NSFL1C: variants seen among roughly 807,000 people sequenced by gnomAD.
NSFL1C encodes NSFL1 cofactor p47.
In NSFL1C, 14 loss-of-function variants were observed where a neutral mutation model predicts 43.1. The ratio of observed to expected loss-of-function variants is 0.32; its 90% CI spans 0.21 to 0.51. The LOEUF (loss-of-function observed/expected upper bound fraction) is 0.51. Among genes scored for constraint, NSFL1C ranks in the 20% least tolerant of loss-of-function variants. The pLI is 0.98. For missense variants in NSFL1C, 406 were observed against 472.5 expected, an observed-to-expected ratio of 0.86 and a Z score of 1.30; for synonymous variants, 171 against 183.5, an observed-to-expected ratio of 0.93 and a Z score of 0.55.
intron 2 of NSFL1C, 34 bp from the exon 3 acceptor site, chr20:1,458,308 G>C: frequency 6.3e-7 from 1 of 1,575,322 alleles, no homozygotes; most frequent in Non-Finnish European, 8.7e-7. Flanking sequence ...ATGATCTCAG[G>C]GAGCATTAAG....
At chr20:1,458,153 T>G in intron 3 of NSFL1C, 47 bp downstream of exon 3, 1 of 1,454,160 alleles carries the variant, frequency 6.9e-7, no homozygotes, top group Non-Finnish European at 9.7e-7. Context: ...CACATTACCC[T>G]GGACTTCCCT....
In NSFL1C at chr20:1,445,650, ACACAATG is replaced by A; in HGVS notation, c.950+9_950+15del. ...GGACACTCCTAGAATAAGCTAGGCC[ACACAATG>A]CAAGGTACCTGTGGCTGTGGTTAAA... On this transcript the variant is annotated intron_variant, in intron 8 of 8. Coordinates refer to ENST00000216879, the MANE Select transcript of NSFL1C (RefSeq NM_016143.5). 6.2e-7 allele frequency: 1 copy of A among 1,611,700 alleles called. No homozygotes were observed. The highest frequency in any genetic ancestry group is 8.5e-7 in the Non-Finnish European group (1 of 1,179,598).
intron 8 of NSFL1C, among the ~76,000 whole-genome samples, chr20:1,445,307 C>CT (rs2090035269): frequency 6.6e-6 from 1 of 152,208 alleles, no homozygotes; most frequent in South Asian, 2.1e-4. Context: ...ACTGCACCCC[C>CT]TTCTCCTCCA....
intron 7 of NSFL1C, among the ~76,000 whole-genome samples, chr20:1,450,209 T>C (rs927060267): frequency 3.2e-4 from 49 of 152,246 alleles, no homozygotes; most frequent in South Asian, 2.1e-4. Flanking sequence ...TTCAAGACTT[T>C]TGGCTTCTGA....
rs185358664 is a variant in NSFL1C, at chr20:1,443,098, G to A, written c.*651C>T. ...AAGGGCCAGGCAGGCAGGTGGAACA[G>A]AATCTCAACTGGCCAAGACCTGGCA... On this transcript the variant is annotated 3_prime_UTR_variant, in exon 9 of 9. Transcript: ENST00000216879. The A allele has an allele frequency of 1.2e-4, 19 of 152,416 alleles. No individual in the cohort carries two copies. The highest frequency in any genetic ancestry group is 1.2e-3 in the Admixed American group (18 of 15,308). 9.4% of individuals were successfully genotyped at this position (152,416 alleles called of 1,614,324 possible).
At chr20:1,456,490 T>A (rs2090303389) in intron 3 of NSFL1C, 1 of 152,226 alleles carries the variant, frequency 6.6e-6, no homozygotes, top group South Asian at 2.1e-4. Flanking sequence ...CCCCAAAGAC[T>A]GACCATGATG....
chr20:1,443,669 G>T lies in NSFL1C; in HGVS notation c.*80C>A. 6.7e-7 allele frequency: 1 copy of T among 1,490,204 alleles called. No homozygotes were observed. The highest frequency in any genetic ancestry group is 1.4e-5 in the African/African-American group (1 of 72,860). 92.3% of individuals were successfully genotyped at this position (1,490,204 alleles called of 1,614,324 possible). ...CTGGACTGCTGGGTGTGCACAAGGGGGCAGGAGGGGCGATCCCCATGGGGC... is the reference window on the plus strand; with the variant it reads ...CTGGACTGCTGGGTGTGCACAAGGGTGCAGGAGGGGCGATCCCCATGGGGC... On this transcript the variant is annotated 3_prime_UTR_variant, in exon 9 of 9. Transcript: ENST00000216879.
intron 1 of NSFL1C, among the ~76,000 whole-genome samples, chr20:1,465,596 G>A (rs1354644148): frequency 6.6e-6 from 1 of 152,180 alleles, no homozygotes; most frequent in Non-Finnish European, 1.5e-5. Context: ...TTTACGTTTG[G>A]CAGCAGACTC....
At chr20:1,456,703 C>G (rs2090308378) in intron 3 of NSFL1C, 1 of 152,120 alleles carries the variant, frequency 6.6e-6, no homozygotes, top group South Asian at 2.1e-4. Flanking sequence ...AACTGGGAGC[C>G]TGTGATCAAG....
Position 1,458,220 on chromosome 20 carries a change from CTCATCT to C in NSFL1C, c.252_257del (p.Asp85_Glu86del). ...CTCACCTCTGGCCTTCCTCTTCCTC[CTCATCT>C]TCATCTTGGTCATGAATGAGGTCTC... On this transcript the variant is annotated inframe_deletion, in exon 3 of 9. Transcript: ENST00000216879. 1 of 1,613,840 alleles carries C rather than the reference CTCATCT, an allele frequency of 6.2e-7. No individual in the cohort carries two copies.
In NSFL1C at chr20:1,464,360, G is replaced by T; in HGVS notation, c.172C>A (p.Pro58Thr). The part of the protein sequence containing the change: ...EDIVTISQAT[P>T]SSVSRGTAPS... ...GCTGTGCCTCTGGACACTGAACTGG[G>T]GGTTGCCTGCGAAATGGTCACAATG... Residue 58 changes from proline (P) to threonine (T), a missense_variant, in exon 2 of 9, where the codon CCC becomes ACC. By Grantham distance (38) the Pro-to-Thr change is conservative. Coordinates refer to ENST00000216879, the MANE Select transcript of NSFL1C (RefSeq NM_016143.5). 6.2e-7 allele frequency: 1 copy of T among 1,614,256 alleles called. No homozygotes were observed.
rs945642151 is a variant in NSFL1C at position 1,455,803 on chromosome 20, G to A, written c.279-671C>T. Reference sequence around the variant, plus strand: ...GTAATGCACACAGGTAAGGTGGTGTGACACAGCACCAGGAGCTCCCCCAAG... The same window carrying A: ...GTAATGCACACAGGTAAGGTGGTGTAACACAGCACCAGGAGCTCCCCCAAG... On this transcript the variant is annotated intron_variant, in intron 3 of 8. Coordinates refer to ENST00000216879, the MANE Select transcript of NSFL1C (RefSeq NM_016143.5). 7 of 774,612 alleles carry A rather than the reference G, an allele frequency of 9.0e-6. No homozygotes were observed. In the African/African-American group the frequency reaches 1.2e-4, roughly 13 times the overall value. The allele number at this position is 774,612 out of a possible 1,614,324, so 48.0% of individuals were successfully genotyped here. A position where few individuals can be genotyped will look rare whatever the true frequency, so the allele number is the denominator to read the frequency against.
Position 1,452,587 on chromosome 20 carries a change from C to T in NSFL1C, c.691G>A (p.Val231Met), listed in dbSNP as rs779117739. 1 of 1,614,194 alleles carries T rather than the reference C, an allele frequency of 6.2e-7. No homozygotes were observed. The highest frequency in any genetic ancestry group is 1.1e-5 in the South Asian group (1 of 91,078). ...ELRRLAHGGQVNLDMEDHRDE... is the reference protein window; with the variant it reads ...ELRRLAHGGQMNLDMEDHRDE... The stretch of plus-strand genomic sequence containing the variant: ...CGATGGTCCTCCATATCCAAGTTCA[C>T]CTGTCCACCGTGAGCTAGCCTCCGA... The change falls in exon 7 of 9, where the codon GTG becomes ATG. Residue 231 changes from valine to methionine, a missense_variant. By Grantham distance (21) the Val-to-Met change is conservative (BLOSUM62 1). This residue lies in a region of NSFL1C where 196 missense variants were observed against 228.0 expected (regional missense o/e 0.86). Coordinates refer to ENST00000216879, the MANE Select transcript of NSFL1C (RefSeq NM_016143.5).
At chr20:1,444,244 T>G (rs1383613799) in intron 8 of NSFL1C, among the ~76,000 whole-genome samples, 1 of 152,248 alleles carries the variant, frequency 6.6e-6, no homozygotes, top group Non-Finnish European at 1.5e-5. Context: ...GAGGCTCCCC[T>G]GCCTGATCCC....
rs752582774 is a variant in NSFL1C at position 1,454,970 on chromosome 20, C to T, written c.441G>A (p.Pro147=). The change falls in exon 4 of 9, where the codon CCG becomes CCA. Residue 147 remains proline (P), a synonymous_variant. Transcript: ENST00000216879. ...VTKSPGETSK[P]RPFAGGGYRL... Reference sequence around the variant, plus strand: ...AGACAATGACCCTTATACTCACTCTCGGTTTACTGGTCTCTCCAGGGCTCT... The same window carrying T: ...AGACAATGACCCTTATACTCACTCTTGGTTTACTGGTCTCTCCAGGGCTCT... 62 of 1,613,090 alleles carry T rather than the reference C, an allele frequency of 3.8e-5. No individual in the cohort carries two copies. The highest frequency in any genetic ancestry group is 2.3e-4 in the Admixed American group (14 of 59,998).
Position 1,466,408 on chromosome 20 carries a change from G to C in NSFL1C, c.105+312C>G, listed in dbSNP as rs1250160741. Among the ~76,000 whole-genome samples the C allele has an allele frequency of 4.6e-5, 7 of 152,198 alleles. No homozygotes were observed. In the East Asian group the frequency reaches 5.8e-4, roughly 13 times the overall value. ...CCAGCCCGGCCTCCAGCAGATACTC[G>C]GCGCGGCAGCCACGCCCCCAGGCGC... On this transcript the variant is annotated intron_variant, in intron 1 of 8. Transcript: ENST00000216879.
At chr20:1,453,846 A>C (rs572980584) in intron 5 of NSFL1C, among the ~76,000 whole-genome samples, 9 of 152,290 alleles carry the variant, frequency 5.9e-5, no homozygotes, top group African/African-American at 1.9e-4. Flanking sequence ...CTAAAAAAAA[A>C]GAAAAGAAAA....
chr20:1,464,180 G>C (rs1232869938), intron 2 of NSFL1C, 149 bp downstream of exon 2: 3 of 669,062 alleles, frequency 4.5e-6, no homozygotes, highest in Admixed American at 4.7e-5. Flanking sequence ...AAATGACTGA[G>C]GCCTGCTGGG....
At chr20:1,463,985 C>T (rs1269702448) in intron 2 of NSFL1C, 6 of 249,276 alleles carry the variant, frequency 2.4e-5, no homozygotes, top group South Asian at 1.3e-4. Flanking sequence ...TAAGTCATTT[C>T]GCCTAAACTT....
Sources: allele counts gnomAD v4.1 joint callset (sites outside exome capture counted in the v4.1 genomes callset), GRCh38; gene constraint gnomAD v4.1.1; regional missense constraint gnomAD v4.1.1; transcripts MANE v1.5; gene names NCBI Gene and HGNC (gene_info 2026-07-23, HGNC 2026-07-21).